IL1RL2: variants seen among roughly 807,000 people sequenced by gnomAD.
IL1RL2 encodes interleukin 1 receptor like 2.
Under a neutral mutation model 66.8 loss-of-function variants are expected in IL1RL2, and 68 were observed. The observed-to-expected ratio is 1.02, with a 90% confidence interval of 0.84 to 1.25. The LOEUF (loss-of-function observed/expected upper bound fraction) is 1.25, where lower values mean the gene tolerates loss of function less well. IL1RL2 is among the 50% of genes most tolerant of loss of function. The pLI is 0.00. For synonymous variants in IL1RL2, 305 were observed against 264.6 expected, an observed-to-expected ratio of 1.15 and a Z score of -1.48; for missense variants, 729 against 709.3, an observed-to-expected ratio of 1.03 and a Z score of -0.32.
intron 2 of IL1RL2, among the ~76,000 whole-genome samples, chr2:102,188,585 C>A (rs1376793910): frequency 3.6e-5 from 1 of 28,140 alleles, no homozygotes. Context: ...GAGACTCCGT[C>A]TCAAAAAAAA....
intron 4 of IL1RL2, among the ~76,000 whole-genome samples, chr2:102,194,085 C>T (rs1206860355): frequency 2.6e-5 from 4 of 152,132 alleles, no homozygotes; most frequent in Non-Finnish European, 5.9e-5. Flanking sequence ...AGAAAGAAAA[C>T]ATTACTAGCA....
intron 9 of IL1RL2, 93 bp downstream of exon 9, chr2:102,226,134 C>G: frequency 9.3e-7 from 1 of 1,078,384 alleles, no homozygotes; most frequent in Non-Finnish European, 1.3e-6. Context: ...TATTTTACTA[C>G]GTTGTTGGCA....
intron 4 of IL1RL2, among the ~76,000 whole-genome samples, chr2:102,197,288 G>C (rs1045810044): frequency 6.6e-6 from 1 of 152,164 alleles, no homozygotes; most frequent in African/African-American, 2.4e-5. Context: ...GTCTTTGCAG[G>C]TGAAGATGCT....
intron 6 of IL1RL2, among the ~76,000 whole-genome samples, chr2:102,215,882 A>G (rs1407514771): frequency 1.3e-5 from 2 of 152,260 alleles, no homozygotes; most frequent in East Asian, 3.8e-4. Context: ...TCTTTCTCTA[A>G]TAAAGCTACT....
Position 102,189,225 on chromosome 2 carries a change from CA to C in IL1RL2, c.209del (p.Gln70ArgfsTer28), listed in dbSNP as rs774493100. ...SSKIPVSKIIQSRIHQDETWI... is the reference protein window; with the variant it reads ...SSKIPVSKIIXSRIHQDETWI... ...CAAAATCCCAGTGTCCAAAATCATA[CA>C]GTCTAGAATTCACCAGGACGAGACT... On this transcript the variant is annotated frameshift_variant, in exon 3 of 12. Coordinates refer to ENST00000264257, the MANE Select transcript of IL1RL2 (RefSeq NM_003854.4). LOFTEE classifies it high-confidence loss of function. The C allele has an allele frequency of 6.2e-7, 1 of 1,614,110 alleles. No homozygotes were observed. Among genetic ancestry groups the C allele is most frequent in the Admixed American group, 1.7e-5 (1 of 60,026 alleles).
At chr2:102,195,569 C>A (rs1236360991) in intron 4 of IL1RL2, among the ~76,000 whole-genome samples, 1 of 12,580 alleles carries the variant, frequency 7.9e-5, no homozygotes, top group South Asian at 3.7e-3. Flanking sequence ...CTCTTTCTTT[C>A]TTTCTTTCTT....
intron 4 of IL1RL2, among the ~76,000 whole-genome samples, chr2:102,195,713 C>CTTTT (rs375355881): frequency 2.0e-5 from 2 of 99,956 alleles, no homozygotes; most frequent in African/African-American, 3.7e-5. Context: ...TTCTTTCTTT[C>CTTTT]TTTTTTTTTT....
intron 9 of IL1RL2, 36 bp from the exon 10 acceptor site, chr2:102,232,927 G>A: frequency 6.3e-7 from 1 of 1,584,154 alleles, no homozygotes; most frequent in East Asian, 2.3e-5. Context: ...GAATTTGGTA[G>A]CAACAATTCC....
At chr2:102,191,473 T>A (rs1349035726) in intron 3 of IL1RL2, among the ~76,000 whole-genome samples, 1 of 152,248 alleles carries the variant, frequency 6.6e-6, no homozygotes, top group Non-Finnish European at 1.5e-5. Context: ...TTGCCATGAA[T>A]ATTTAATTTC....
At chr2:102,188,590 A>T (rs1348720290) in intron 2 of IL1RL2, among the ~76,000 whole-genome samples, 15 of 151,234 alleles carry the variant, frequency 9.9e-5, no homozygotes, top group Admixed American at 8.6e-4. Flanking sequence ...TCCGTCTCAA[A>T]AAAAAAAAAA....
intron 6 of IL1RL2, among the ~76,000 whole-genome samples, chr2:102,218,108 A>C (rs1689768130): frequency 1.3e-5 from 2 of 152,142 alleles, no homozygotes. Context: ...AAAACAAAAA[A>C]CAGAACAACA....
chr2:102,189,942 T>TA (rs888892609), intron 3 of IL1RL2, among the ~76,000 whole-genome samples: 7 of 152,144 alleles, frequency 4.6e-5, no homozygotes, highest in African/African-American at 1.7e-4. Context: ...CTGAGCCACC[T>TA]AGCCCGGCCG....
At chr2:102,209,805 A>G (rs988574669) in intron 5 of IL1RL2, among the ~76,000 whole-genome samples, 1 of 152,160 alleles carries the variant, frequency 6.6e-6, no homozygotes, top group Admixed American at 6.5e-5. Context: ...AAAATATCCA[A>G]AAGAGTGCTG....
At chr2:102,189,802 G>A (rs893121221) in intron 3 of IL1RL2, among the ~76,000 whole-genome samples, 4 of 152,168 alleles carry the variant, frequency 2.6e-5, no homozygotes, top group Admixed American at 1.3e-4. Flanking sequence ...ATAGGCGCAA[G>A]CCACCATGCT....
chr2:102,212,752 A>G (rs1448612339), intron 6 of IL1RL2, among the ~76,000 whole-genome samples: 1 of 152,064 alleles, frequency 6.6e-6, no homozygotes, highest in Non-Finnish European at 1.5e-5. Context: ...GCAGATCATG[A>G]GGTCAGGAGA....
chr2:102,203,039 A>T (rs1207933769), intron 5 of IL1RL2, among the ~76,000 whole-genome samples: 1 of 152,064 alleles, frequency 6.6e-6, no homozygotes, highest in African/African-American at 2.4e-5. Context: ...CTTTTATTAC[A>T]TTGAGACATG....
At chr2:102,197,575 C>T (rs540129824) in intron 4 of IL1RL2, among the ~76,000 whole-genome samples, 1 of 152,166 alleles carries the variant, frequency 6.6e-6, no homozygotes, top group Non-Finnish European at 1.5e-5. Context: ...GACCATACCA[C>T]CTTACATTTT....
chr2:102,200,200 A>G (rs963544578), intron 4 of IL1RL2, among the ~76,000 whole-genome samples: 13 of 137,146 alleles, frequency 9.5e-5, no homozygotes, highest in East Asian at 9.3e-4. Context: ...CCCTTTATAC[A>G]TCTAACTCTG....
chr2:102,187,264 C>A (rs574530533), intron 1 of IL1RL2, 178 bp downstream of exon 1: 6 of 1,181,562 alleles, frequency 5.1e-6, no homozygotes, highest in Middle Eastern at 3.9e-4. Context: ...GTCTCTGGGT[C>A]GAGGAGTGGA....
Sources: allele counts gnomAD v4.1 joint callset (sites outside exome capture counted in the v4.1 genomes callset), GRCh38; gene constraint gnomAD v4.1.1; transcripts MANE v1.5; gene names NCBI Gene and HGNC (gene_info 2026-07-23, HGNC 2026-07-21).